BRSK2: variants seen among roughly 807,000 people sequenced by gnomAD.
The protein encoded by BRSK2 is BR serine/threonine kinase 2.
In BRSK2, 19 loss-of-function variants were observed where a neutral mutation model predicts 83.3. The ratio of observed to expected loss-of-function variants is 0.23; its 90% CI spans 0.16 to 0.33. BRSK2 has a LOEUF of 0.33. Among genes scored for constraint, BRSK2 ranks in the 10% least tolerant of loss-of-function variants. BRSK2 has a pLI of 1.00. For missense variants in BRSK2, 798 were observed against 1,042.3 expected (o/e 0.77, Z 3.23); for synonymous variants, 519 against 435.4 (o/e 1.19, Z -2.39).
At position 1,450,683 on chromosome 11, in the gene BRSK2, C is replaced by T. The variant is rs1291368556; in HGVS notation, c.1384C>T (p.Pro462Ser). Residue 462 changes from proline (P) to serine (S), a missense_variant, in exon 14 of 20, where the codon CCC becomes TCC. Coordinates refer to ENST00000528841, the MANE Select transcript of BRSK2 (RefSeq NM_001256627.2). ...PKESPAGTPN[P>S]TPPSSPSVGG... ...GGAGAGCCCGGCTGGCACGCCCAAC[C>T]CCACGCCCCCGTCCAGCCCCAGCGT... 6.2e-7 allele frequency: 1 copy of T among 1,609,538 alleles called. No individual in the cohort carries two copies. Among genetic ancestry groups the T allele is most frequent in the Non-Finnish European group, 8.5e-7 (1 of 1,178,778 alleles).
chr11:1,459,651 G>C (rs1207660888), intron 19 of BRSK2, among the ~76,000 whole-genome samples: 1 of 152,208 alleles, frequency 6.6e-6, no homozygotes, highest in Non-Finnish European at 1.5e-5. Context: ...GTGGGGGTTA[G>C]GCTTAGGAAG....
At chr11:1,413,063 C>T (rs369649643) in intron 1 of BRSK2, among the ~76,000 whole-genome samples, 4 of 152,164 alleles carry the variant, frequency 2.6e-5, no homozygotes, top group African/African-American at 7.2e-5. Flanking sequence ...GTTCAGAACC[C>T]GCATTCCTGG....
In BRSK2 at chr11:1,390,517, C is replaced by T. The variant is rs1410135845; in HGVS notation, c.91+142C>T. On this transcript the variant is annotated intron_variant, in intron 1 of 19. Transcript: ENST00000528841. This position sits in a 1 kb window ranked among gnomAD's most constrained non-coding sequence, Gnocchi z 6.8. Reference sequence around the variant, plus strand: ...CCGCGAACAATGGGCGGCCCGTGCGCCCCCGTCCGCTCGTGCGCCCCGGTT... The same window carrying T: ...CCGCGAACAATGGGCGGCCCGTGCGTCCCCGTCCGCTCGTGCGCCCCGGTT... 1.2e-5 allele frequency: 3 copies of T among 252,168 alleles called. No individual in the cohort carries two copies. Among genetic ancestry groups the T allele is most frequent in the East Asian group, 4.1e-4 (2 of 4,936 alleles). 15.6% of individuals were successfully genotyped at this position (252,168 alleles called of 1,614,324 possible). A position where few individuals can be genotyped will look rare whatever the true frequency, so the allele number is the denominator to read the frequency against.
intron 2 of BRSK2, among the ~76,000 whole-genome samples, chr11:1,437,477 G>T (rs1298606393): frequency 6.6e-6 from 1 of 152,198 alleles, no homozygotes; most frequent in Non-Finnish European, 1.5e-5. Context: ...GAGGGAGGGG[G>T]CCCTGCCCTT....
intron 9 of BRSK2, 44 bp downstream of exon 9, chr11:1,445,046 C>T (rs1223875505): frequency 2.4e-5 from 39 of 1,600,712 alleles, no homozygotes; most frequent in Non-Finnish European, 2.8e-5. Context: ...TTGCCTGTTG[C>T]TGTGGCCTGG....
In BRSK2 at chr11:1,454,832, G is replaced by C. The variant is rs907588428; in HGVS notation, c.1668+224G>C. Among the ~76,000 whole-genome samples, 3 of 152,218 alleles carry C rather than the reference G, an allele frequency of 2.0e-5. No homozygotes were observed. Among genetic ancestry groups the C allele is most frequent in the Admixed American group, 6.5e-5 (1 of 15,280 alleles). ...CCATCTGGGGTGCTTGGCCTGCGGA[G>C]GGAGTCAGGGCTTTGCTCACTGGTC... On this transcript the variant is annotated intron_variant, in intron 16 of 19. Transcript: ENST00000528841. This position sits in a 1 kb window ranked among gnomAD's most constrained non-coding sequence, Gnocchi z 5.2.
At chr11:1,440,731 TGAG>T in intron 3 of BRSK2, 54 bp from the exon 4 acceptor site, 1 of 1,527,338 alleles carries the variant, frequency 6.5e-7, no homozygotes, top group Non-Finnish European at 8.8e-7. Context: ...GGCCCTGGGA[TGAG>T]GAGGGGCGGC....
rs909708497 is a variant in BRSK2, at chr11:1,423,924, C to G, written c.92-12116C>G. ...CCCTCACGTGGCGCCCCCATCCCAC[C>G]CCGTGTGTCCCCAGCCACACTTTCC... On this transcript the variant is annotated intron_variant, in intron 1 of 19. Coordinates refer to ENST00000528841, the MANE Select transcript of BRSK2 (RefSeq NM_001256627.2). The surrounding 1 kb of genome is among the most constrained non-coding windows in gnomAD (Gnocchi z 6.5). Among the ~76,000 whole-genome samples, 20 of 152,152 alleles carry G rather than the reference C, an allele frequency of 1.3e-4. No homozygotes were observed. The highest frequency in any genetic ancestry group is 2.2e-4 in the Non-Finnish European group (15 of 68,022).
chr11:1,405,604 G>A (rs4963042), intron 1 of BRSK2, among the ~76,000 whole-genome samples: 61,423 of 152,000 alleles, frequency 0.4, 13,130 homozygotes, highest in Non-Finnish European at 0.46. Flanking sequence ...GGACCGACCA[G>A]CGGCGCCAGC....
intron 14 of BRSK2, 123 bp from the exon 15 acceptor site, chr11:1,451,248 G>C: frequency 1.7e-6 from 2 of 1,177,272 alleles, no homozygotes; most frequent in Non-Finnish European, 2.5e-6. Flanking sequence ...GTGCCCCTGG[G>C]GGGGCTGTCC....
At chr11:1,440,036 C>G (rs1850980902) in intron 3 of BRSK2, among the ~76,000 whole-genome samples, 1 of 152,206 alleles carries the variant, frequency 6.6e-6, no homozygotes, top group South Asian at 2.1e-4. Context: ...AGGTGCCACC[C>G]CCTTGGCTGT....
At chr11:1,449,374 A>AG (rs555287652) in intron 12 of BRSK2, among the ~76,000 whole-genome samples, 5 of 152,162 alleles carry the variant, frequency 3.3e-5, no homozygotes, top group Non-Finnish European at 7.4e-5. Context: ...GAGCTCAGCC[A>AG]GGGGGGGCTT....
At chr11:1,440,084 A>G (rs375763980) in intron 3 of BRSK2, among the ~76,000 whole-genome samples, 7 of 152,058 alleles carry the variant, frequency 4.6e-5, no homozygotes, top group African/African-American at 1.7e-4. Context: ...ACCAGGGGCC[A>G]CCACCCTCAC....
intron 16 of BRSK2, 62 bp from the exon 17 acceptor site, chr11:1,456,286 C>A (rs1846526808): frequency 2.0e-6 from 3 of 1,469,666 alleles, no homozygotes; most frequent in Non-Finnish European, 2.7e-6. Flanking sequence ...AGGGCTGCCT[C>A]CCCAGAGGGC....
At chr11:1,414,298 G>C (rs10466425) in intron 1 of BRSK2, among the ~76,000 whole-genome samples, 41,009 of 152,110 alleles carry the variant, frequency 0.27, 5,682 homozygotes, top group Middle Eastern at 0.44. Flanking sequence ...GCCTGGAAAG[G>C]TGTCTCCATG....
chr11:1,420,097 C>T (rs1396331395), intron 1 of BRSK2, among the ~76,000 whole-genome samples: 1 of 152,248 alleles, frequency 6.6e-6, no homozygotes, highest in Non-Finnish European at 1.5e-5. Context: ...GTGTGAGTCT[C>T]TGGAAGGCAG....
chr11:1,456,238 G>C, intron 16 of BRSK2, 110 bp from the exon 17 acceptor site: 1 of 1,166,412 alleles, frequency 8.6e-7, no homozygotes, highest in Non-Finnish European at 1.2e-6. Context: ...AGGTGCCTGG[G>C]TGCTCACAAT....
intron 1 of BRSK2, among the ~76,000 whole-genome samples, chr11:1,428,058 G>A (rs547888238): frequency 6.6e-6 from 1 of 152,254 alleles, no homozygotes; most frequent in South Asian, 2.1e-4. Flanking sequence ...GTACAGTAAT[G>A]GGGAAAGGAC....
At chr11:1,396,926 G>A (rs75203587) in intron 1 of BRSK2, among the ~76,000 whole-genome samples, 1 of 152,234 alleles carries the variant, frequency 6.6e-6, no homozygotes, top group East Asian at 1.9e-4. Flanking sequence ...GGGACCTCAG[G>A]GCCCCTGAGT....
Sources: allele counts gnomAD v4.1 joint callset (sites outside exome capture counted in the v4.1 genomes callset), GRCh38; gene constraint gnomAD v4.1.1; non-coding constraint Gnocchi (gnomAD v3.1); transcripts MANE v1.5; gene names NCBI Gene and HGNC (gene_info 2026-07-23, HGNC 2026-07-21).